TSPAN13: variants seen among roughly 807,000 people sequenced by gnomAD.
TSPAN13 encodes tetraspanin 13.
A neutral mutation model predicts 26.9 loss-of-function variants in TSPAN13; 18 were observed. The ratio of observed to expected loss-of-function variants is 0.67; its 90% CI spans 0.46 to 0.99. TSPAN13 has a LOEUF of 0.99. TSPAN13 is among the 50% of genes least tolerant of loss of function. The pLI is 0.00. For synonymous variants in TSPAN13, 116 were observed against 98.4 expected (o/e 1.18, Z -1.06); for missense variants, 201 against 249.6 (o/e 0.81, Z 1.31).
chr7:16,754,146 C>G (rs1354155075), intron 1 of TSPAN13, 116 bp downstream of exon 1: 1 of 1,000,538 alleles, frequency 1.0e-6, no homozygotes, highest in Non-Finnish European at 1.4e-6. Context: ...CCCTTCCCGG[C>G]TTCCCACGTC....
intron 3 of TSPAN13, among the ~76,000 whole-genome samples, 163 bp downstream of exon 3, chr7:16,777,285 T>C (rs1000337793): frequency 1.3e-5 from 2 of 152,192 alleles, no homozygotes; most frequent in Non-Finnish European, 2.9e-5. Flanking sequence ...GTGCAGCAGG[T>C]TGGAGCCGGA....
At chr7:16,764,841 C>T (rs1474622144) in intron 1 of TSPAN13, among the ~76,000 whole-genome samples, 1 of 152,096 alleles carries the variant, frequency 6.6e-6, no homozygotes, top group African/African-American at 2.4e-5. Flanking sequence ...CATTACTCCT[C>T]ACCTATAAAA....
chr7:16,762,724 T>C (rs1275589871), intron 1 of TSPAN13, among the ~76,000 whole-genome samples: 3 of 152,164 alleles, frequency 2.0e-5, no homozygotes, highest in African/African-American at 7.2e-5. Context: ...CATATTGTCA[T>C]GGGCCCAGTC....
At chr7:16,773,122 G>A (rs1784700082) in intron 1 of TSPAN13, among the ~76,000 whole-genome samples, 2 of 151,082 alleles carry the variant, frequency 1.3e-5, no homozygotes, top group Admixed American at 1.3e-4. Flanking sequence ...GTGTCAGGGG[G>A]AGATTATTGT....
At chr7:16,754,158 G>A in intron 1 of TSPAN13, 128 bp downstream of exon 1, 1 of 942,558 alleles carries the variant, frequency 1.1e-6, no homozygotes, top group Non-Finnish European at 1.6e-6. Context: ...TCCCACGTCT[G>A]CGCGCCCCCG....
chr7:16,761,183 A>G (rs1195341723), intron 1 of TSPAN13, among the ~76,000 whole-genome samples: 1 of 152,210 alleles, frequency 6.6e-6, no homozygotes, highest in African/African-American at 2.4e-5. Flanking sequence ...CCTAGTAAGT[A>G]TAAAAGCAGT....
At chr7:16,779,150 T>C in intron 5 of TSPAN13, 34 bp downstream of exon 5, 11 of 1,510,714 alleles carry the variant, frequency 7.3e-6, no homozygotes, top group Non-Finnish European at 1.0e-5. Context: ...TCCTCCTTTG[T>C]CACAGAGATT....
At chr7:16,768,845 C>G (rs1235108282) in intron 1 of TSPAN13, among the ~76,000 whole-genome samples, 2 of 152,156 alleles carry the variant, frequency 1.3e-5, no homozygotes, top group African/African-American at 4.8e-5. Context: ...GCTTTAACGA[C>G]TGAACCATTA....
intron 1 of TSPAN13, among the ~76,000 whole-genome samples, chr7:16,771,917 C>CT: frequency 6.6e-6 from 1 of 152,236 alleles, no homozygotes; most frequent in Admixed American, 6.5e-5. Flanking sequence ...GAAGCAGCCT[C>CT]TTTTTTGCCT....
intron 1 of TSPAN13, among the ~76,000 whole-genome samples, chr7:16,763,462 G>C (rs1455642836): frequency 6.6e-6 from 1 of 152,134 alleles, no homozygotes; most frequent in Admixed American, 6.5e-5. Flanking sequence ...GGTTTTGCTG[G>C]ATCAAGGGGC....
At chr7:16,764,832 A>G (rs1186366557) in intron 1 of TSPAN13, among the ~76,000 whole-genome samples, 2 of 152,102 alleles carry the variant, frequency 1.3e-5, no homozygotes, top group East Asian at 3.9e-4. Flanking sequence ...AAAAAGTCAC[A>G]TTACTCCTCA....
At chr7:16,778,741 T>C (rs999874634) in intron 4 of TSPAN13, among the ~76,000 whole-genome samples, 2 of 152,194 alleles carry the variant, frequency 1.3e-5, no homozygotes, top group African/African-American at 4.8e-5. Flanking sequence ...TCTTATCTGA[T>C]GTAAGGTAAC....
In TSPAN13 at chr7:16,754,116, C is replaced by G. The variant is rs540077385; in HGVS notation, c.63+86C>G. ...TGGCTTCCCTGCCTGGTCAGCGACT[C>G]ACTCGTTGCATCCCGCGCCCCCTTC... is the stretch of plus-strand genomic sequence containing the variant. On this transcript the variant is annotated intron_variant, in intron 1 of 5. Transcript: ENST00000262067. 101 of 1,369,194 alleles carry G rather than the reference C, an allele frequency of 7.4e-5. 1 individual carries two copies. The Admixed American group carries it at 1.7e-3, about 23-fold the overall frequency. The allele number at this position is 1,369,194 out of a possible 1,614,324, so 84.8% of individuals were successfully genotyped here. A position where few individuals can be genotyped will look rare whatever the true frequency, so the allele number is the denominator to read the frequency against.
intron 1 of TSPAN13, among the ~76,000 whole-genome samples, chr7:16,769,500 T>C (rs1784648894): frequency 6.6e-6 from 1 of 152,076 alleles, no homozygotes; most frequent in African/African-American, 2.4e-5. Flanking sequence ...GATCTTGGAC[T>C]ACTTTTGTTG....
At chr7:16,754,115 T>G (rs1043614691) in intron 1 of TSPAN13, 85 bp downstream of exon 1, 7 of 1,392,040 alleles carry the variant, frequency 5.0e-6, no homozygotes, top group Non-Finnish European at 7.0e-6. Context: ...GGTCAGCGAC[T>G]CACTCGTTGC....
intron 1 of TSPAN13, among the ~76,000 whole-genome samples, chr7:16,765,912 CTGTT>C (rs780757013): frequency 2.8e-4 from 43 of 152,214 alleles, no homozygotes; most frequent in Non-Finnish European, 2.6e-4. Context: ...TTAGAGTTAA[CTGTT>C]TGAATCAACA....
intron 1 of TSPAN13, among the ~76,000 whole-genome samples, chr7:16,759,425 A>G (rs1178610608): frequency 6.6e-6 from 1 of 152,048 alleles, no homozygotes; most frequent in Non-Finnish European, 1.5e-5. Flanking sequence ...TCTCACGTGA[A>G]CTCAGAGGGA....
At chr7:16,754,210 T>C (rs1408790844) in intron 1 of TSPAN13, among the ~76,000 whole-genome samples, 180 bp downstream of exon 1, 2 of 152,188 alleles carry the variant, frequency 1.3e-5, no homozygotes, top group Non-Finnish European at 2.9e-5. Flanking sequence ...CGCCGGCGCT[T>C]GTCGCAGTCT....
intron 1 of TSPAN13, among the ~76,000 whole-genome samples, chr7:16,770,267 A>T (rs1319707930): frequency 6.6e-6 from 1 of 151,860 alleles, no homozygotes; most frequent in Non-Finnish European, 1.5e-5. Context: ...GTGCAGTGGC[A>T]CAATCTCGGC....
Sources: gnomAD v4.1 joint callset for allele counts (sites outside exome capture counted in the v4.1 genomes callset) on GRCh38, gnomAD v4.1.1 for gene constraint, MANE v1.5 for transcripts, NCBI Gene and HGNC (gene_info 2026-07-23, HGNC 2026-07-21) for gene names.